Variants in ANKFN1 observed in about 807,000 individuals in gnomAD.
The protein encoded by ANKFN1 is ankyrin repeat and fibronectin type III domain containing 1.
In ANKFN1, 74 loss-of-function variants were observed where a neutral mutation model predicts 108.7. That is an observed-to-expected ratio of 0.68 (90% CI 0.56 to 0.83). ANKFN1 has a LOEUF of 0.83. ANKFN1 is among the 40% of genes least tolerant of loss of function. ANKFN1 has a pLI of 0.00. For missense variants in ANKFN1, 1,505 were observed against 1,382.3 expected (o/e 1.09, Z -1.41); for synonymous variants, 547 against 516.2 (o/e 1.06, Z -0.81).
At chr17:56,402,385 G>A (rs990020156) in intron 8 of ANKFN1, among the ~76,000 whole-genome samples, 1 of 152,094 alleles carries the variant, frequency 6.6e-6, no homozygotes, top group Non-Finnish European at 1.5e-5. Flanking sequence ...GGTCTGTTCA[G>A]GGTATCTAAT....
At chr17:56,098,651 C>G (rs1905580804) in intron 4 of ANKFN1, among the ~76,000 whole-genome samples, 1 of 152,158 alleles carries the variant, frequency 6.6e-6, no homozygotes, top group Admixed American at 6.5e-5. Flanking sequence ...AGTGAAAGCT[C>G]TCTAATTACT....
chr17:56,281,838 A>G (rs1254919981), intron 3 of ANKFN1, among the ~76,000 whole-genome samples: 1 of 152,226 alleles, frequency 6.6e-6, no homozygotes, highest in East Asian at 1.9e-4. Flanking sequence ...ACAATACCAA[A>G]TGTTGGTAAA....
At chr17:56,345,567 T>C (rs918761334) in intron 4 of ANKFN1, among the ~76,000 whole-genome samples, 2 of 152,132 alleles carry the variant, frequency 1.3e-5, no homozygotes, top group Middle Eastern at 3.2e-3. Context: ...GTTTCAGGAC[T>C]CTCTAATAAT....
At chr17:56,135,148 T>A (rs1907523887) in intron 4 of ANKFN1, among the ~76,000 whole-genome samples, 3 of 152,150 alleles carry the variant, frequency 2.0e-5, no homozygotes, top group African/African-American at 7.2e-5. Flanking sequence ...AAAAATAAAA[T>A]AAATCAAAGA....
chr17:56,275,014 C>A (rs894566112), intron 3 of ANKFN1, among the ~76,000 whole-genome samples: 4 of 152,170 alleles, frequency 2.6e-5, no homozygotes, highest in Non-Finnish European at 4.4e-5. Context: ...TGAGCTAATG[C>A]ATGGAACCTG....
intron 3 of ANKFN1, among the ~76,000 whole-genome samples, chr17:56,320,698 A>T (rs2045340665): frequency 6.6e-6 from 1 of 152,160 alleles, no homozygotes; most frequent in Non-Finnish European, 1.5e-5. Flanking sequence ...CGTCGGTGCT[A>T]CAGCCCGGTG....
intron 14 of ANKFN1, among the ~76,000 whole-genome samples, chr17:56,458,809 G>A (rs1277718959): frequency 6.6e-6 from 1 of 152,084 alleles, no homozygotes; most frequent in East Asian, 1.9e-4. Flanking sequence ...TGCATAACAG[G>A]AATCTATGTA....
Position 56,230,328 on chromosome 17 carries a change from G to A in ANKFN1, c.53+2371G>A, listed in dbSNP as rs534716840. Among the ~76,000 whole-genome samples, 18 of 152,122 alleles carry A rather than the reference G, an allele frequency of 1.2e-4. No individual in the cohort carries two copies. The South Asian group carries it at 3.5e-3, about 30-fold the overall frequency. On this transcript the variant is annotated intron_variant, in intron 3 of 20. Coordinates refer to ENST00000682825, the MANE Select transcript of ANKFN1 (RefSeq NM_001370326.1). ...TTTGGAGTATGTTACTTAACCCTTC[G>A]GTTTCAAAGTATCTTTTTGGGGAAG...
chr17:56,389,116 T>G (rs1178580052), intron 8 of ANKFN1, among the ~76,000 whole-genome samples: 1 of 152,076 alleles, frequency 6.6e-6, no homozygotes, highest in Non-Finnish European at 1.5e-5. Flanking sequence ...TACACAAATG[T>G]TTATAGCAAC....
In ANKFN1 at chr17:56,177,776, A is replaced by G. The variant is rs147132551; in HGVS notation, c.-71+24246A>G. ...AACTGCCTAAGCTCCTAATTTTACT[A>G]TAACTGCCAACATAGGTTTTTGTTT... is the stretch of plus-strand genomic sequence containing the variant. On this transcript the variant is annotated intron_variant, in intron 1 of 20. Coordinates refer to ENST00000682825, the MANE Select transcript of ANKFN1 (RefSeq NM_001370326.1). Among the ~76,000 whole-genome samples the G allele has an allele frequency of 5.0e-3, 765 of 152,028 alleles. 3 individuals are homozygous for G. Among genetic ancestry groups the G allele is most frequent in the African/African-American group, 0.014 (596 of 41,540 alleles).
rs372224545 is a variant in ANKFN1 at position 56,486,540 on chromosome 17, T to C, written c.2260+4016T>C. ...ATAACTACTTCCTCCATCAGGCATC[T>C]GGCCACTAAGCATTTAATGACACCT... On this transcript the variant is annotated intron_variant, in intron 18 of 20. Coordinates refer to ENST00000682825, the MANE Select transcript of ANKFN1 (RefSeq NM_001370326.1). Among the ~76,000 whole-genome samples the C allele has an allele frequency of 3.0e-4, 45 of 152,316 alleles. 1 individual carries two copies. In the South Asian group the frequency reaches 6.6e-3, roughly 22 times the overall value.
At chr17:56,306,239 C>T (rs2144401232) in intron 3 of ANKFN1, among the ~76,000 whole-genome samples, 1 of 152,288 alleles carries the variant, frequency 6.6e-6, no homozygotes, top group Middle Eastern at 3.4e-3. Flanking sequence ...TATATGCTAA[C>T]TTGGGGAGAA....
At chr17:56,355,202 C>T (rs187039337) in intron 6 of ANKFN1, among the ~76,000 whole-genome samples, 2 of 152,154 alleles carry the variant, frequency 1.3e-5, no homozygotes, top group Admixed American at 1.3e-4. Context: ...TGAAAACATC[C>T]AGTTGTACCC....
At chr17:56,270,957 G>T (rs1294807612) in intron 3 of ANKFN1, among the ~76,000 whole-genome samples, 1 of 151,730 alleles carries the variant, frequency 6.6e-6, no homozygotes, top group Admixed American at 6.6e-5. Flanking sequence ...TTAGCACTTA[G>T]CACCACCACC....
chr17:56,183,689 C>T (rs761598135), intron 1 of ANKFN1, among the ~76,000 whole-genome samples: 13 of 152,080 alleles, frequency 8.5e-5, no homozygotes, highest in South Asian at 2.1e-4. Context: ...TCCTATACAG[C>T]CTGAAGAACT....
At chr17:56,169,836 C>T (rs556606620) in intron 1 of ANKFN1, among the ~76,000 whole-genome samples, 1 of 152,262 alleles carries the variant, frequency 6.6e-6, no homozygotes, top group South Asian at 2.1e-4. Flanking sequence ...TAAAGGTGCT[C>T]CTGCTGGGGA....
At chr17:56,449,283 A>G (rs2049406827) in intron 11 of ANKFN1, 97 bp downstream of exon 11, 2 of 794,208 alleles carry the variant, frequency 2.5e-6, no homozygotes, top group Admixed American at 2.7e-5. Context: ...CTCATTCATC[A>G]GGGAGAGAGA....
At chr17:56,109,420 A>G (rs939252469) in intron 4 of ANKFN1, among the ~76,000 whole-genome samples, 5 of 152,108 alleles carry the variant, frequency 3.3e-5, no homozygotes, top group Non-Finnish European at 1.5e-5. Flanking sequence ...GTTTAGCAGC[A>G]TCTCTGACCT....
intron 3 of ANKFN1, among the ~76,000 whole-genome samples, chr17:56,309,255 C>T (rs2044937653): frequency 6.6e-6 from 1 of 152,072 alleles, no homozygotes; most frequent in Admixed American, 6.6e-5. Context: ...TTAAAATCAT[C>T]CATTTCATAT....
Sources: gnomAD v4.1 joint callset for allele counts (sites outside exome capture counted in the v4.1 genomes callset) on GRCh38, gnomAD v4.1.1 for gene constraint, MANE v1.5 for transcripts, NCBI Gene and HGNC (gene_info 2026-07-23, HGNC 2026-07-21) for gene names.